LUZP2: variants seen among roughly 807,000 people sequenced by gnomAD.
The protein encoded by LUZP2 is leucine zipper protein 2.
In LUZP2, 52 loss-of-function variants were observed where a neutral mutation model predicts 51.6. The ratio of observed to expected loss-of-function variants is 1.01; its 90% confidence interval spans 0.81 to 1.27. The LOEUF is 1.27. Ranked by LOEUF, LUZP2 falls within the 50% of genes most tolerant of loss-of-function variation. The pLI is 0.00. For synonymous variants in LUZP2, 154 were observed against 137.3 expected (o/e 1.12, Z -0.85); for missense variants, 436 against 395.4 (o/e 1.10, Z -0.87).
intron 6 of LUZP2, among the ~76,000 whole-genome samples, chr11:24,910,038 A>C (rs1232517528): frequency 6.6e-6 from 1 of 152,166 alleles, no homozygotes; most frequent in Non-Finnish European, 1.5e-5. Flanking sequence ...GATGGAGATG[A>C]AGAACTTGTT....
chr11:24,718,077 C>T (rs117980628), intron 1 of LUZP2, among the ~76,000 whole-genome samples: 14 of 152,260 alleles, frequency 9.2e-5, no homozygotes. Flanking sequence ...CTTTAAGCAT[C>T]GTAGAGCAAA....
intron 2 of LUZP2, among the ~76,000 whole-genome samples, chr11:24,731,179 G>A (rs1766890370): frequency 6.6e-6 from 1 of 151,576 alleles, no homozygotes; most frequent in African/African-American, 2.4e-5. Flanking sequence ...TAAAATTGTT[G>A]ATTTTCAACA....
At chr11:24,637,789 A>G (rs1434154652) in intron 1 of LUZP2, among the ~76,000 whole-genome samples, 1 of 151,872 alleles carries the variant, frequency 6.6e-6, no homozygotes, top group East Asian at 1.9e-4. Context: ...GTTTATCAAG[A>G]CAATGAGTGC....
At chr11:24,915,350 C>T (rs1443098617) in intron 7 of LUZP2, among the ~76,000 whole-genome samples, 1 of 152,006 alleles carries the variant, frequency 6.6e-6, no homozygotes, top group African/African-American at 2.4e-5. Context: ...TATTCTAAAC[C>T]TTGGTTCCTC....
rs56048182 is a variant in LUZP2 at position 24,807,465 on chromosome 11, G to GAA, written c.396+44170_396+44171dup. On this transcript the variant is annotated intron_variant, in intron 5 of 11. Transcript: ENST00000336930. ...GACAGAGTAAGACTCCATCTCAAAA[G>GAA]AAAAAAAAAAAAAAGTCAGGTTAAA... is the stretch of plus-strand genomic sequence containing the variant. Among the ~76,000 whole-genome samples the GAA allele has an allele frequency of 4.6e-3, 646 of 139,414 alleles. 6 individuals are homozygous for GAA. Among genetic ancestry groups the GAA allele is most frequent in the Middle Eastern group, 0.018 (5 of 272 alleles). The allele number at this position is 139,414 out of a possible 152,430, so 91.5% of individuals were successfully genotyped here. A position where few individuals can be genotyped will look rare whatever the true frequency, so the allele number is the denominator to read the frequency against.
In LUZP2 at chr11:24,612,604, A is replaced by C. The variant is rs550835998; in HGVS notation, c.62+115299A>C. Among the ~76,000 whole-genome samples, 9 of 152,234 alleles carry C rather than the reference A, an allele frequency of 5.9e-5. No individual in the cohort carries two copies. The East Asian group carries it at 1.7e-3, about 29-fold the overall frequency. On this transcript the variant is annotated intron_variant, in intron 1 of 11. Transcript: ENST00000336930. ...CTCACACACTCTTACAATTTTGTGA[A>C]TAGGGCTAGCCTCACCCTACTTTTA...
intron 1 of LUZP2, among the ~76,000 whole-genome samples, chr11:24,623,110 T>A (rs1298643539): frequency 4.0e-5 from 6 of 151,580 alleles, no homozygotes; most frequent in Non-Finnish European, 7.4e-5. Context: ...CACACACACA[T>A]ACACACAGAG....
chr11:24,597,614 A>G (rs1394946997), intron 1 of LUZP2, among the ~76,000 whole-genome samples: 1 of 152,198 alleles, frequency 6.6e-6, no homozygotes, highest in East Asian at 1.9e-4. Context: ...ATCAGACTCT[A>G]GATACGTGAT....
chr11:24,565,373 G>T (rs1852182925), intron 1 of LUZP2, among the ~76,000 whole-genome samples: 1 of 152,232 alleles, frequency 6.6e-6, no homozygotes, highest in Non-Finnish European at 1.5e-5. Flanking sequence ...GAGTGCAAAT[G>T]AGAAAATTCT....
chr11:25,004,719 C>A (rs1590825019), intron 9 of LUZP2, among the ~76,000 whole-genome samples: 1 of 152,158 alleles, frequency 6.6e-6, no homozygotes, highest in African/African-American at 2.4e-5. Flanking sequence ...TTTCCTAATT[C>A]TCCTTAGTCC....
intron 1 of LUZP2, among the ~76,000 whole-genome samples, chr11:24,557,119 A>G (rs1223679090): frequency 3.3e-5 from 5 of 152,074 alleles, no homozygotes; most frequent in African/African-American, 7.2e-5. Flanking sequence ...AATTTCCACA[A>G]TAGCACATTG....
intron 7 of LUZP2, among the ~76,000 whole-genome samples, chr11:24,939,714 C>T (rs985200851): frequency 6.6e-6 from 1 of 151,848 alleles, no homozygotes; most frequent in African/African-American, 2.4e-5. Context: ...TGGAGACAGG[C>T]AAGATAAGAG....
chr11:24,831,504 T>G (rs2134179597), intron 5 of LUZP2, among the ~76,000 whole-genome samples: 1 of 152,284 alleles, frequency 6.6e-6, no homozygotes, highest in Admixed American at 6.5e-5. Context: ...ATAGTACAAA[T>G]AATCTTTAAA....
At chr11:24,811,909 G>A (rs1850034779) in intron 5 of LUZP2, among the ~76,000 whole-genome samples, 1 of 152,088 alleles carries the variant, frequency 6.6e-6, no homozygotes, top group Non-Finnish European at 1.5e-5. Context: ...AAACTGAGAA[G>A]GAATAGCCAG....
intron 5 of LUZP2, among the ~76,000 whole-genome samples, chr11:24,863,593 G>T (rs1017811949): frequency 5.3e-5 from 8 of 151,644 alleles, no homozygotes; most frequent in Admixed American, 3.9e-4. Context: ...GAGATTTTTT[G>T]GGGGGAAGCG....
chr11:24,600,172 AC>A (rs1853573814), intron 1 of LUZP2, among the ~76,000 whole-genome samples: 2 of 92,140 alleles, frequency 2.2e-5, no homozygotes, highest in Admixed American at 1.6e-4. Flanking sequence ...AATGTAGATT[AC>A]AACACACACA....
Position 24,925,715 on chromosome 11 carries a change from T to A in LUZP2, c.522+11177T>A, listed in dbSNP as rs541599631. On this transcript the variant is annotated intron_variant, in intron 7 of 11. Transcript: ENST00000336930. Reference sequence around the variant, plus strand: ...GACTAAAAGTATCGAAATTTATTTTTAAAATTATTTTAATTATTTTTTTAA... The same window carrying A: ...GACTAAAAGTATCGAAATTTATTTTAAAAATTATTTTAATTATTTTTTTAA... Among the ~76,000 whole-genome samples, 14 of 152,154 alleles carry A rather than the reference T, an allele frequency of 9.2e-5. No homozygotes were observed. The South Asian group carries it at 2.9e-3, about 32-fold the overall frequency.
chr11:24,653,166 G>T (rs1466905515), intron 1 of LUZP2, among the ~76,000 whole-genome samples: 1 of 152,096 alleles, frequency 6.6e-6, no homozygotes, highest in Non-Finnish European at 1.5e-5. Flanking sequence ...CAGTTAGGAG[G>T]CTAGAGCAAT....
At chr11:24,840,931 TAA>T (rs1851008755) in intron 5 of LUZP2, among the ~76,000 whole-genome samples, 1 of 152,062 alleles carries the variant, frequency 6.6e-6, no homozygotes, top group Non-Finnish European at 1.5e-5. Flanking sequence ...AGGTGTTATA[TAA>T]CCTGAATATG....
Sources: allele counts gnomAD v4.1 joint callset (sites outside exome capture counted in the v4.1 genomes callset), GRCh38; gene constraint gnomAD v4.1.1; transcripts MANE v1.5; gene names NCBI Gene and HGNC (gene_info 2026-07-23, HGNC 2026-07-21).